Variants in FAM174B observed in about 807,000 individuals in gnomAD.
The protein encoded by FAM174B is family with sequence similarity 174 member B, also known as membrane protein FAM174B.
A neutral mutation model predicts 10.9 loss-of-function variants in FAM174B; 12 were observed. That is an observed-to-expected ratio of 1.10 (90% CI 0.71 to 1.79). FAM174B has a LOEUF of 1.79. Among genes scored for constraint, FAM174B ranks in the 40% most tolerant of loss-of-function variants. The pLI is 0.00. For missense variants in FAM174B, 266 were observed against 233.3 expected, an observed-to-expected ratio of 1.14 and a Z score of -0.91; for synonymous variants, 132 against 115.8, an observed-to-expected ratio of 1.14 and a Z score of -0.90.
At chr15:92,643,424 C>T (rs1433494082) in intron 1 of FAM174B, among the ~76,000 whole-genome samples, 1 of 148,572 alleles carries the variant, frequency 6.7e-6, no homozygotes, top group Non-Finnish European at 1.5e-5. Flanking sequence ...TATAAAATCT[C>T]CCTGGAAAGA....
chr15:92,654,997 T>G (rs2050991555), intron 1 of FAM174B: 1 of 214,726 alleles, frequency 4.7e-6, no homozygotes, highest in Non-Finnish European at 9.1e-6. Context: ...TAAAAATAAA[T>G]TATGGGAAAC....
At position 92,617,851 on chromosome 15, in the gene FAM174B, G is replaced by C. The variant is rs2050689524; in HGVS notation, c.*1605C>G. 7 of 476,294 alleles carry C rather than the reference G, an allele frequency of 1.5e-5. No homozygotes were observed. The highest frequency in any genetic ancestry group is 8.4e-5 in the Admixed American group (2 of 23,906). 29.5% of individuals were successfully genotyped at this position (476,294 alleles called of 1,614,324 possible). A position where few individuals can be genotyped will look rare whatever the true frequency, so the allele number is the denominator to read the frequency against. On this transcript the variant is annotated 3_prime_UTR_variant, in exon 3 of 3. Coordinates refer to ENST00000327355, the MANE Select transcript of FAM174B (RefSeq NM_207446.3). ...CAACAAAGAAGGTGAAATGCAGGGAGCAGAGACTACACGCAGGCCCCCCGT... is the reference window on the plus strand; with the variant it reads ...CAACAAAGAAGGTGAAATGCAGGGACCAGAGACTACACGCAGGCCCCCCGT...
chr15:92,632,268 G>T (rs1330710790), intron 1 of FAM174B, among the ~76,000 whole-genome samples: 1 of 152,196 alleles, frequency 6.6e-6, no homozygotes, highest in Non-Finnish European at 1.5e-5. Flanking sequence ...CTCTCGGCCG[G>T]GTGCGGTGGC....
intron 1 of FAM174B, among the ~76,000 whole-genome samples, chr15:92,630,561 G>A (rs927920822): frequency 5.3e-5 from 8 of 151,780 alleles, no homozygotes; most frequent in African/African-American, 1.9e-4. Flanking sequence ...TTAACACCCT[G>A]CTGCCCCACT....
At chr15:92,640,457 C>T (rs1031045840) in intron 1 of FAM174B, among the ~76,000 whole-genome samples, 3 of 137,264 alleles carry the variant, frequency 2.2e-5, no homozygotes, top group African/African-American at 5.4e-5. Context: ...GAGGCTGAGG[C>T]AAGAGAATTG....
chr15:92,647,945 G>T (rs1596303044), intron 1 of FAM174B, among the ~76,000 whole-genome samples: 1 of 152,042 alleles, frequency 6.6e-6, no homozygotes, highest in Non-Finnish European at 1.5e-5. Context: ...CAAGAACCTT[G>T]GTCTCCACAA....
chr15:92,619,619 C>T (rs997104019), intron 2 of FAM174B, 160 bp from the exon 3 acceptor site: 1 of 765,410 alleles, frequency 1.3e-6, no homozygotes, highest in South Asian at 1.9e-5. Flanking sequence ...AGGCGCAATC[C>T]ACTCTTCCAG....
Position 92,631,167 on chromosome 15 carries a change from A to T in FAM174B, c.345-822T>A, listed in dbSNP as rs868135162. ...TACATATTATATTATATATTATATA[A>T]TAATTTATATATTATATTATATATT... On this transcript the variant is annotated intron_variant, in intron 1 of 2. Transcript: ENST00000327355. Among the ~76,000 whole-genome samples, 17 of 26,064 alleles carry T rather than the reference A, an allele frequency of 6.5e-4. 7 individuals carry two copies. Among genetic ancestry groups the T allele is most frequent in the Admixed American group, 1.7e-3 (2 of 1,184 alleles). The allele number at this position is 26,064 out of a possible 152,430, so 17.1% of individuals were successfully genotyped here.
intron 2 of FAM174B, chr15:92,619,951 T>C (rs2050708211): frequency 6.2e-6 from 1 of 162,302 alleles, no homozygotes; most frequent in Non-Finnish European, 1.3e-5. Flanking sequence ...TGCATGTTAC[T>C]TTCTCATGTC....
intron 1 of FAM174B, among the ~76,000 whole-genome samples, chr15:92,641,517 C>T (rs550727746): frequency 3.9e-4 from 60 of 152,144 alleles, no homozygotes; most frequent in African/African-American, 9.9e-4. Context: ...ACCACTCAGA[C>T]ACACAAGATA....
At chr15:92,646,185 C>T (rs1256941627) in intron 1 of FAM174B, among the ~76,000 whole-genome samples, 15 of 152,194 alleles carry the variant, frequency 9.9e-5, no homozygotes, top group Admixed American at 9.8e-4. Context: ...TTCATGCATT[C>T]TTGGTAAATC....
At chr15:92,621,553 T>C (rs576932235) in intron 2 of FAM174B, among the ~76,000 whole-genome samples, 147 of 151,320 alleles carry the variant, frequency 9.7e-4, no homozygotes, top group Non-Finnish European at 1.5e-3. Context: ...TGAGGCTACA[T>C]TGAGCCAATA....
At chr15:92,641,674 C>T (rs929077437) in intron 1 of FAM174B, among the ~76,000 whole-genome samples, 1 of 151,968 alleles carries the variant, frequency 6.6e-6, no homozygotes, top group African/African-American at 2.4e-5. Flanking sequence ...ATGGAACTTA[C>T]ATATAAGTAT....
At chr15:92,635,505 C>A (rs1415951120) in intron 1 of FAM174B, among the ~76,000 whole-genome samples, 2 of 151,154 alleles carry the variant, frequency 1.3e-5, no homozygotes, top group Admixed American at 6.6e-5. Context: ...AACCTCATAG[C>A]GTATAAATGG....
chr15:92,638,742 AG>A (rs1007600840), intron 1 of FAM174B, among the ~76,000 whole-genome samples: 10 of 152,148 alleles, frequency 6.6e-5, no homozygotes, highest in African/African-American at 2.2e-4. Context: ...TACTTACTCC[AG>A]GGGGCCACAG....
chr15:92,640,017 C>G (rs956555636), intron 1 of FAM174B, among the ~76,000 whole-genome samples: 2 of 152,116 alleles, frequency 1.3e-5, no homozygotes, highest in African/African-American at 2.4e-5. Context: ...CACCCAAATA[C>G]ACACTGGAAT....
At chr15:92,642,585 G>A (rs1047607419) in intron 1 of FAM174B, among the ~76,000 whole-genome samples, 1 of 152,172 alleles carries the variant, frequency 6.6e-6, no homozygotes, top group African/African-American at 2.4e-5. Flanking sequence ...GGTTTTATAA[G>A]GGGATTTTCC....
rs1302754597 is a variant in FAM174B at position 92,631,461 on chromosome 15, TTATA to T, written c.345-1120_345-1117del. 4.5e-4 allele frequency among the ~76,000 whole-genome samples: 28 copies of T among 62,196 alleles called. 3 individuals carry two copies. Among genetic ancestry groups the T allele is most frequent in the African/African-American group, 2.0e-3 (27 of 13,532 alleles). The allele number at this position is 62,196 out of a possible 152,430, so 40.8% of individuals were successfully genotyped here. A position where few individuals can be genotyped will look rare whatever the true frequency, so the allele number is the denominator to read the frequency against. ...TATTATATATATAACATAATATATATTATATATAATTTATAATATATTATATATA... is the reference window on the plus strand; with the variant it reads ...TATTATATATATAACATAATATATATTATAATTTATAATATATTATATATA... On this transcript the variant is annotated intron_variant, in intron 1 of 2. Coordinates refer to ENST00000327355, the MANE Select transcript of FAM174B (RefSeq NM_207446.3).
At chr15:92,620,672 A>G (rs972592730) in intron 2 of FAM174B, among the ~76,000 whole-genome samples, 3 of 151,342 alleles carry the variant, frequency 2.0e-5, no homozygotes, top group Non-Finnish European at 4.4e-5. Flanking sequence ...AAAATTAGCC[A>G]GGTGTGGTGC....
Sources: allele counts gnomAD v4.1 joint callset (sites outside exome capture counted in the v4.1 genomes callset), GRCh38; gene constraint gnomAD v4.1.1; transcripts MANE v1.5; gene names NCBI Gene and HGNC (gene_info 2026-07-23, HGNC 2026-07-21).